ARID1B: variants seen among roughly 807,000 people sequenced by gnomAD.
ARID1B encodes AT-rich interaction domain 1B, also known as AT-rich interactive domain-containing protein 1B.
Under a neutral mutation model 212.3 loss-of-function variants are expected in ARID1B, and 30 were observed. That is an observed-to-expected ratio of 0.14 (90% CI 0.11 to 0.19). The LOEUF (loss-of-function observed/expected upper bound fraction) is 0.19, where lower values mean the gene tolerates loss of function less well. Among genes scored for constraint, ARID1B ranks in the 10% least tolerant of loss-of-function variants. The probability of loss-of-function intolerance (pLI) is 1.00; values close to 1 mark genes in which losing one functional copy is unlikely to be tolerated. For synonymous variants in ARID1B, 1,402 were observed against 1,301.7 expected (o/e 1.08, Z -1.66); for missense variants, 2,891 against 3,204.0 (o/e 0.90, Z 2.36).
intron 2 of ARID1B, among the ~76,000 whole-genome samples, chr6:156,835,082 T>A (rs1583129823): frequency 2.0e-5 from 3 of 151,810 alleles, no homozygotes; most frequent in African/African-American, 7.2e-5. Flanking sequence ...ACTAAAAAAA[T>A]ACAAAAAAAT....
intron 2 of ARID1B, among the ~76,000 whole-genome samples, chr6:156,887,150 G>A (rs905136191): frequency 1.3e-5 from 2 of 152,194 alleles, no homozygotes; most frequent in African/African-American, 4.8e-5. Flanking sequence ...ATGCTCATTT[G>A]AAGCCTGTCC....
intron 4 of ARID1B, among the ~76,000 whole-genome samples, chr6:157,041,884 C>T (rs1583202289): frequency 6.6e-6 from 1 of 152,318 alleles, no homozygotes; most frequent in East Asian, 1.9e-4. Flanking sequence ...AGGTCCCCAA[C>T]GACACACCCA....
At chr6:156,934,966 T>C in intron 3 of ARID1B, among the ~76,000 whole-genome samples, 1 of 126,258 alleles carries the variant, frequency 7.9e-6, no homozygotes, top group Non-Finnish European at 1.7e-5. Context: ...ATATATAGTT[T>C]ATATTTCTGC....
chr6:156,855,094 A>T (rs571071469), intron 2 of ARID1B, among the ~76,000 whole-genome samples: 1 of 152,342 alleles, frequency 6.6e-6, no homozygotes, highest in South Asian at 2.1e-4. Flanking sequence ...AAATTGTAAT[A>T]ATGTCACTAG....
chr6:157,114,321 G>T (rs1049294465), intron 6 of ARID1B, among the ~76,000 whole-genome samples: 2 of 151,750 alleles, frequency 1.3e-5, no homozygotes, highest in African/African-American at 4.8e-5. Flanking sequence ...TCAGGAGTTC[G>T]AGTCCAGCCT....
chr6:157,064,730 G>T (rs901790611), intron 4 of ARID1B, among the ~76,000 whole-genome samples: 1 of 152,040 alleles, frequency 6.6e-6, no homozygotes, highest in East Asian at 1.9e-4. Context: ...TAGAGCTTCG[G>T]CCCTGGTGGA....
intron 4 of ARID1B, among the ~76,000 whole-genome samples, chr6:157,018,547 C>T (rs1780046705): frequency 6.6e-6 from 1 of 152,176 alleles, no homozygotes; most frequent in African/African-American, 2.4e-5. Context: ...AACTCTGCTT[C>T]CTGGAGATAC....
chr6:157,145,472 G>A (rs978352036), intron 7 of ARID1B, among the ~76,000 whole-genome samples: 6 of 152,170 alleles, frequency 3.9e-5, no homozygotes, highest in South Asian at 2.1e-4. Flanking sequence ...TGGCCCGTGC[G>A]TCGCCTGTAG....
At position 157,207,645 on chromosome 6, in the gene ARID1B, G is replaced by A. The variant is rs377350616; in HGVS notation, c.6873G>A (p.Thr2291=). 5.2e-5 allele frequency: 84 copies of A among 1,614,106 alleles called. 1 individual carries two copies. The East Asian group carries it at 1.2e-3, about 23-fold the overall frequency. The stretch of plus-strand genomic sequence containing the variant: ...TAAGCTTCCTAGAGGATGGGGTCAC[G>A]ATGGCCCAGTACCAGCAGAGCCAGC... The part of the protein sequence containing the change: ...NLISFLEDGV[T]MAQYQQSQHN... The change falls in exon 20 of 20, where the codon ACG becomes ACA. Residue 2291 remains threonine, a synonymous_variant. Coordinates refer to ENST00000636930, the MANE Select transcript of ARID1B (RefSeq NM_001374828.1). This position sits in a 1 kb window ranked among gnomAD's most constrained non-coding sequence, Gnocchi z 8.5.
chr6:157,111,682 C>T (rs1786933684), intron 6 of ARID1B, among the ~76,000 whole-genome samples: 1 of 152,140 alleles, frequency 6.6e-6, no homozygotes, highest in South Asian at 2.1e-4. Flanking sequence ...AAACTAATGT[C>T]AATGAAAAGA....
chr6:156,930,122 T>G (rs1791579297), intron 3 of ARID1B, among the ~76,000 whole-genome samples: 1 of 152,244 alleles, frequency 6.6e-6, no homozygotes, highest in Admixed American at 6.5e-5. Flanking sequence ...ACAGTTTGGA[T>G]CTGTGTCTCC....
At chr6:156,838,917 G>A (rs1185903431) in intron 2 of ARID1B, among the ~76,000 whole-genome samples, 1 of 151,920 alleles carries the variant, frequency 6.6e-6, no homozygotes, top group Non-Finnish European at 1.5e-5. Flanking sequence ...TTTTCAATTA[G>A]TATATTACCT....
At chr6:156,883,614 A>T (rs1787273113) in intron 2 of ARID1B, among the ~76,000 whole-genome samples, 1 of 151,988 alleles carries the variant, frequency 6.6e-6, no homozygotes, top group Non-Finnish European at 1.5e-5. Flanking sequence ...CACTCGGCCC[A>T]CGCTCCCCAC....
chr6:157,094,952 G>T lies in ARID1B; in HGVS notation c.2491+10047G>T, dbSNP rs1275217724. Among the ~76,000 whole-genome samples, 1 of 152,114 alleles carries T rather than the reference G, an allele frequency of 6.6e-6. No homozygotes were observed. Among genetic ancestry groups the T allele is most frequent in the Admixed American group, 6.6e-5 (1 of 15,264 alleles). On this transcript the variant is annotated intron_variant, in intron 5 of 19. Coordinates refer to ENST00000636930, the MANE Select transcript of ARID1B (RefSeq NM_001374828.1). The surrounding 1 kb of genome is among the most constrained non-coding windows in gnomAD (Gnocchi z 4.3). ...GTTTTTGAAGGGGAATCGAGAGTTT[G>T]GTTTTAAACATACTGTATTTGAGGT...
intron 4 of ARID1B, among the ~76,000 whole-genome samples, chr6:157,062,257 TG>T (rs1783388122): frequency 6.6e-6 from 1 of 151,824 alleles, no homozygotes; most frequent in Non-Finnish European, 1.5e-5. Context: ...TGGAGTACAG[TG>T]GCGCCATAGC....
chr6:157,189,533 G>C lies in ARID1B; in HGVS notation c.3920-109G>C. On this transcript the variant is annotated intron_variant, in intron 13 of 19. Coordinates refer to ENST00000636930, the MANE Select transcript of ARID1B (RefSeq NM_001374828.1). ...CTATTGTTACTGTTTCTAATAAGATGGTGTCTTATTTACATTTATGTCTTT... is the reference window on the plus strand; with the variant it reads ...CTATTGTTACTGTTTCTAATAAGATCGTGTCTTATTTACATTTATGTCTTT... 3 of 1,225,754 alleles carry C rather than the reference G, an allele frequency of 2.4e-6. No homozygotes were observed. In the South Asian group the frequency reaches 5.1e-5, roughly 21 times the overall value. 75.9% of individuals were successfully genotyped at this position (1,225,754 alleles called of 1,614,324 possible). A position where few individuals can be genotyped will look rare whatever the true frequency, so the allele number is the denominator to read the frequency against.
chr6:157,192,006 T>C (rs1256621006), intron 15 of ARID1B, among the ~76,000 whole-genome samples: 1 of 152,204 alleles, frequency 6.6e-6, no homozygotes, highest in Non-Finnish European at 1.5e-5. Flanking sequence ...TTCATAGTAT[T>C]TCATGTACAA....
intron 2 of ARID1B, among the ~76,000 whole-genome samples, chr6:156,848,421 T>G (rs1254112969): frequency 1.3e-5 from 2 of 152,256 alleles, no homozygotes; most frequent in Non-Finnish European, 2.9e-5. Flanking sequence ...GTGTTCACAT[T>G]GCTGTTTATG....
In ARID1B at chr6:156,942,636, A is replaced by C. The variant is rs1364745145; in HGVS notation, c.2247+7060A>C. ...GCTAAAAAGAAAAAAAAAAAAACAC[A>C]TGACTCTAATGTTCTGAGGTCCCTC... On this transcript the variant is annotated intron_variant, in intron 4 of 19. Coordinates refer to ENST00000636930, the MANE Select transcript of ARID1B (RefSeq NM_001374828.1). 6 of 151,470 alleles carry C rather than the reference A, an allele frequency of 4.0e-5. No homozygotes were observed. The East Asian group carries it at 1.2e-3, about 29-fold the overall frequency. The allele number at this position is 151,470 out of a possible 1,614,324, so 9.4% of individuals were successfully genotyped here. A position where few individuals can be genotyped will look rare whatever the true frequency, so the allele number is the denominator to read the frequency against.
Sources: allele counts gnomAD v4.1 joint callset (sites outside exome capture counted in the v4.1 genomes callset), GRCh38; gene constraint gnomAD v4.1.1; non-coding constraint Gnocchi (gnomAD v3.1); transcripts MANE v1.5; gene names NCBI Gene and HGNC (gene_info 2026-07-23, HGNC 2026-07-21).